Variants in CTNND2 observed in about 807,000 individuals in gnomAD.
CTNND2 encodes catenin delta-2.
Under a neutral mutation model 144.4 loss-of-function variants are expected in CTNND2, and 22 were observed. That is an observed-to-expected ratio of 0.15 (90% confidence interval 0.11 to 0.22). CTNND2 has a LOEUF of 0.22. CTNND2 is among the 10% of genes least tolerant of loss of function. CTNND2 has a pLI of 1.00. For missense variants in CTNND2, 1,353 were observed against 1,618.8 expected, an observed-to-expected ratio of 0.84 and a Z score of 2.82; for synonymous variants, 751 against 695.6, an observed-to-expected ratio of 1.08 and a Z score of -1.25.
intron 10 of CTNND2, among the ~76,000 whole-genome samples, chr5:11,226,869 C>A (rs1043101436): frequency 1.3e-5 from 2 of 152,208 alleles, no homozygotes; most frequent in African/African-American, 4.8e-5. Context: ...ACAGAGCCTG[C>A]AACTTTATAG....
intron 1 of CTNND2, among the ~76,000 whole-genome samples, chr5:11,766,096 G>C (rs1325639050): frequency 6.6e-6 from 1 of 152,138 alleles, no homozygotes; most frequent in African/African-American, 2.4e-5. Context: ...TGTTAGACAT[G>C]ATTTTTATGT....
chr5:11,451,832 A>G (rs979400494), intron 3 of CTNND2, among the ~76,000 whole-genome samples: 4 of 152,218 alleles, frequency 2.6e-5, no homozygotes, highest in Non-Finnish European at 5.9e-5. Context: ...TGAACAACAC[A>G]TGCGAATAAC....
chr5:11,213,981 A>T (rs1262581990), intron 10 of CTNND2, among the ~76,000 whole-genome samples: 1 of 152,152 alleles, frequency 6.6e-6, no homozygotes, highest in African/African-American at 2.4e-5. Flanking sequence ...TTTTATTCCA[A>T]TTTAAAGCTT....
At chr5:11,824,838 G>C (rs754747242) in intron 1 of CTNND2, among the ~76,000 whole-genome samples, 1 of 152,192 alleles carries the variant, frequency 6.6e-6, no homozygotes, top group Non-Finnish European at 1.5e-5. Context: ...TACTGTGTAA[G>C]AGAATAGGGT....
intron 1 of CTNND2, among the ~76,000 whole-genome samples, chr5:11,884,828 C>T (rs571701094): frequency 1.8e-4 from 27 of 151,894 alleles, no homozygotes; most frequent in Non-Finnish European, 3.4e-4. Flanking sequence ...TTTTGAGGCA[C>T]GTTCCTTCTA....
intron 2 of CTNND2, among the ~76,000 whole-genome samples, chr5:11,729,269 G>A (rs1787196478): frequency 6.6e-6 from 1 of 151,500 alleles, no homozygotes; most frequent in South Asian, 2.1e-4. Context: ...ACTTTTCACA[G>A]TGATATAGTT....
chr5:11,098,778 T>A, intron 14 of CTNND2, 30 bp from the exon 15 acceptor site: 1 of 1,604,120 alleles, frequency 6.2e-7, no homozygotes, highest in Non-Finnish European at 8.5e-7. Flanking sequence ...AGAGCAAACA[T>A]CTTTAACATC....
intron 3 of CTNND2, among the ~76,000 whole-genome samples, chr5:11,468,241 A>G (rs1766851376): frequency 6.6e-6 from 1 of 152,212 alleles, no homozygotes; most frequent in Admixed American, 6.5e-5. Context: ...AAGAGCTAGT[A>G]ACCCTTGGTA....
chr5:11,611,871 C>T (rs1046383917), intron 2 of CTNND2, among the ~76,000 whole-genome samples: 2 of 152,198 alleles, frequency 1.3e-5, no homozygotes, highest in African/African-American at 4.8e-5. Context: ...TCTCTCACTA[C>T]AATGTATTAT....
At chr5:11,299,684 C>T (rs938756795) in intron 9 of CTNND2, among the ~76,000 whole-genome samples, 1 of 152,184 alleles carries the variant, frequency 6.6e-6, no homozygotes, top group Admixed American at 6.5e-5. Context: ...GTGAAACTTT[C>T]CTGCCAAGGT....
chr5:11,216,068 T>C (rs1739140208), intron 10 of CTNND2, among the ~76,000 whole-genome samples: 1 of 152,130 alleles, frequency 6.6e-6, no homozygotes, highest in African/African-American at 2.4e-5. Flanking sequence ...TGTTAAGTGG[T>C]AAAAAATCCT....
rs566766157 is a variant in CTNND2 at position 11,391,782 on chromosome 5, C to T, written c.612+5249G>A. On this transcript the variant is annotated intron_variant, in intron 6 of 21. Transcript: ENST00000304623. ...CTTCTATGCACATTTTATACACCTT[C>T]CCTGAAGTCATCACCACTGGGATCA... Among the ~76,000 whole-genome samples the T allele has an allele frequency of 1.5e-3, 233 of 152,296 alleles. No homozygotes were observed. In the Middle Eastern group the frequency reaches 0.024, roughly 16 times the overall value.
intron 3 of CTNND2, among the ~76,000 whole-genome samples, chr5:11,521,759 T>A (rs190570625): frequency 1.3e-5 from 2 of 152,176 alleles, no homozygotes; most frequent in East Asian, 3.8e-4. Flanking sequence ...AGATGAAGTA[T>A]CAGGAGCAGC....
intron 10 of CTNND2, among the ~76,000 whole-genome samples, chr5:11,229,002 C>T (rs245137): frequency 0.91 from 139,069 of 152,262 alleles, 63,706 homozygotes; most frequent in East Asian, 0.99. Context: ...AGAATTCTTA[C>T]CTTGGGCCTG....
At chr5:11,540,297 T>C (rs1271806356) in intron 3 of CTNND2, among the ~76,000 whole-genome samples, 1 of 152,118 alleles carries the variant, frequency 6.6e-6, no homozygotes, top group Non-Finnish European at 1.5e-5. Flanking sequence ...AGTATTGCCC[T>C]TCTTGACATG....
At chr5:11,312,181 A>C (rs1296335784) in intron 9 of CTNND2, among the ~76,000 whole-genome samples, 34 of 53,852 alleles carry the variant, frequency 6.3e-4, no homozygotes, top group Admixed American at 9.3e-4. Flanking sequence ...CATCCCCCAC[A>C]CTCCCCATAC....
intron 16 of CTNND2, among the ~76,000 whole-genome samples, chr5:11,051,754 T>C (rs1745850644): frequency 6.6e-6 from 1 of 152,192 alleles, no homozygotes; most frequent in Non-Finnish European, 1.5e-5. Flanking sequence ...TAAACAAATA[T>C]GTATTGATAG....
intron 20 of CTNND2, among the ~76,000 whole-genome samples, chr5:10,982,707 T>C (rs1013392890): frequency 1.3e-5 from 2 of 152,250 alleles, no homozygotes; most frequent in African/African-American, 4.8e-5. Context: ...CCCATGTTTA[T>C]TGCAGTGCTG....
At chr5:11,424,584 G>A (rs1762625606) in intron 3 of CTNND2, among the ~76,000 whole-genome samples, 1 of 151,900 alleles carries the variant, frequency 6.6e-6, no homozygotes. Context: ...TATTGGAGGG[G>A]CTAGGCGAAG....
Sources: gnomAD v4.1 joint callset for allele counts (sites outside exome capture counted in the v4.1 genomes callset) on GRCh38, gnomAD v4.1.1 for gene constraint, MANE v1.5 for transcripts, NCBI Gene and HGNC (gene_info 2026-07-23, HGNC 2026-07-21) for gene names.